Variants in TOR2A observed in about 807,000 individuals in gnomAD.
The protein encoded by TOR2A is prosalusin.
In TOR2A, 24 loss-of-function variants were observed where a neutral mutation model predicts 28.6. That is an observed-to-expected ratio of 0.84 (90% confidence interval 0.61 to 1.18). TOR2A has a LOEUF of 1.18. TOR2A is among the 50% of genes most tolerant of loss of function. TOR2A has a pLI of 0.00. For missense variants in TOR2A, 426 were observed against 448.1 expected, an observed-to-expected ratio of 0.95 and a Z score of 0.45; for synonymous variants, 203 against 203.1, an observed-to-expected ratio of 1.00 and a Z score of 0.00.
chr9:127,734,143 G>T, intron 2 of TOR2A, 156 bp downstream of exon 2: 1 of 991,980 alleles, frequency 1.0e-6, no homozygotes, highest in South Asian at 2.1e-5. Context: ...CAGGTAGAAT[G>T]ACACCTTCCC....
chr9:127,734,639 T>A, intron 1 of TOR2A, 75 bp from the exon 2 acceptor site: 2 of 1,397,370 alleles, frequency 1.4e-6, no homozygotes, highest in Non-Finnish European at 1.9e-6. Flanking sequence ...GTCTGGAACC[T>A]GGTCTGGGAC....
chr9:127,732,960 CG>C, intron 3 of TOR2A: 1 of 1,391,444 alleles, frequency 7.2e-7, no homozygotes. Flanking sequence ...AGGAAGGCAT[CG>C]GGGCATCATT....
chr9:127,733,611 A>C (rs3739812), intron 2 of TOR2A, 51 bp from the exon 3 acceptor site: 899,519 of 1,512,686 alleles, frequency 0.59, 271,155 homozygotes, highest in African/African-American at 0.78. Context: ...CTCCCCCAAC[A>C]CCAGACCTCT....
At position 127,733,911 on chromosome 9, in the gene TOR2A, A is replaced by T. The variant is rs192236529; in HGVS notation, c.418-351T>A. 1.7e-4 allele frequency: 71 copies of T among 407,486 alleles called. No individual in the cohort carries two copies. The Admixed American group carries it at 2.8e-3, about 16-fold the overall frequency. 25.2% of individuals were successfully genotyped at this position (407,486 alleles called of 1,614,324 possible). On this transcript the variant is annotated intron_variant, in intron 2 of 4. Coordinates refer to ENST00000373284, the MANE Select transcript of TOR2A (RefSeq NM_001085347.3). Reference sequence around the variant, plus strand: ...CTGATCAGCCTGGTGGGTACCCTGCAATCAACAACAGTAGTAGTAAGAGCC... The same window carrying T: ...CTGATCAGCCTGGTGGGTACCCTGCTATCAACAACAGTAGTAGTAAGAGCC...
rs949887183 is a variant in TOR2A at position 127,731,759 on chromosome 9, C to G, written c.*275G>C. 2 of 700,578 alleles carry G rather than the reference C, an allele frequency of 2.9e-6. No homozygotes were observed. The highest frequency in any genetic ancestry group is 4.4e-6 in the Non-Finnish European group (2 of 452,750). 43.4% of individuals were successfully genotyped at this position (700,578 alleles called of 1,614,324 possible). On this transcript the variant is annotated 3_prime_UTR_variant, in exon 5 of 5. Transcript: ENST00000373284. ...GGAGCACCGCCACGAGCCACAGTCC[C>G]TGAGTTATAATTCACAGTAAGAAGG...
rs1844440944 is a variant in TOR2A at position 127,731,874 on chromosome 9, C to T, written c.*160G>A. On this transcript the variant is annotated 3_prime_UTR_variant, in exon 5 of 5. Transcript: ENST00000373284. ...AAGGTGGCCGGGGCCAAGATGCTCTCGAGCCAGTTTAGAGGCCAGGGCCCT... is the reference window on the plus strand; with the variant it reads ...AAGGTGGCCGGGGCCAAGATGCTCTTGAGCCAGTTTAGAGGCCAGGGCCCT... 10 of 1,423,170 alleles carry T rather than the reference C, an allele frequency of 7.0e-6. No individual in the cohort carries two copies. Among genetic ancestry groups the T allele is most frequent in the South Asian group, 1.5e-5 (1 of 67,084 alleles). The allele number at this position is 1,423,170 out of a possible 1,614,324, so 88.2% of individuals were successfully genotyped here.
Position 127,732,616 on chromosome 9 carries a change from G to A in TOR2A, c.669C>T (p.Leu223=). 6.3e-7 allele frequency: 1 copy of A among 1,584,330 alleles called. No homozygotes were observed. The highest frequency in any genetic ancestry group is 1.8e-5 in the Admixed American group (1 of 55,236). ...WRSRRDREEI[L]LQELEPVISR... ...AGATGACCGGCTCCAGCTCCTGCAG[G>A]AGGATCTCCTCGCGGTCCCGCCGGC... The change falls in exon 4 of 5, where the codon CTC becomes CTT. Residue 223 remains leucine, a synonymous_variant. Transcript: ENST00000373284.
chr9:127,735,232 C>G lies in TOR2A; in HGVS notation c.39G>C (p.Ser13=). ...AATRGCRPWG[S]LLGLLGLVSA... ...AGACCAGCCCGAGCAGCCCGAGGAG[C>G]GAGCCCCAGGGCCGGCAGCCGCGCG... is the stretch of plus-strand genomic sequence containing the variant. The change falls in exon 1 of 5, where the codon TCG becomes TCC. Residue 13 remains serine, a synonymous_variant. Transcript: ENST00000373284. 1 of 1,455,972 alleles carries G rather than the reference C, an allele frequency of 6.9e-7. No homozygotes were observed. Among genetic ancestry groups the G allele is most frequent in the Non-Finnish European group, 9.0e-7 (1 of 1,112,222 alleles). The allele number at this position is 1,455,972 out of a possible 1,614,324, so 90.2% of individuals were successfully genotyped here.
chr9:127,734,739 ATT>A, intron 1 of TOR2A, 175 bp from the exon 2 acceptor site: 1 of 761,404 alleles, frequency 1.3e-6, no homozygotes, highest in South Asian at 3.3e-5. Context: ...TTCGGGCCTG[ATT>A]CAGCTCGGCA....
At chr9:127,732,753 CCCTCGCTT>C in intron 3 of TOR2A, 62 bp from the exon 4 acceptor site, 1 of 1,522,214 alleles carries the variant, frequency 6.6e-7, no homozygotes, top group Admixed American at 2.0e-5. Context: ...CAGGATTGGA[CCCTCGCTT>C]CCCCGCTGCC....
Position 127,732,551 on chromosome 9 carries a change from G to T in TOR2A, c.721+13C>A. 1 of 1,576,236 alleles carries T rather than the reference G, an allele frequency of 6.3e-7. No homozygotes were observed. On this transcript the variant is annotated intron_variant, in intron 4 of 4. Transcript: ENST00000373284. ...TGAAGCTGCCCGGGAGGGGGCTGCT[G>T]AGCCAGACTCACGGTGCGGGTTGTC... is the stretch of plus-strand genomic sequence containing the variant.
Position 127,732,677 on chromosome 9 carries a change from T to G in TOR2A, c.608A>C (p.Lys203Thr), listed in dbSNP as rs1290171571. The change falls in exon 4 of 5, where the codon AAG (lysine) becomes ACG (threonine). Residue 203 changes from lysine to threonine, a missense_variant. Coordinates refer to ENST00000373284, the MANE Select transcript of TOR2A (RefSeq NM_001085347.3). ...IFIFISNTGG[K>T]QINQVALEAW... ...CTCCAATGCCACCTGGTTGATCTGCTTGCCACCCGTGTTGCTAAAACCATG... is the reference window on the plus strand; with the variant it reads ...CTCCAATGCCACCTGGTTGATCTGCGTGCCACCCGTGTTGCTAAAACCATG... 1.3e-6 allele frequency: 2 copies of G among 1,567,012 alleles called. No homozygotes were observed. The highest frequency in any genetic ancestry group is 1.7e-6 in the Non-Finnish European group (2 of 1,156,394).
At position 127,735,181 on chromosome 9, in the gene TOR2A, C is replaced by G; in HGVS notation, c.90G>C (p.Leu30=). 6.7e-7 allele frequency: 1 copy of G among 1,483,860 alleles called. No individual in the cohort carries two copies. Among genetic ancestry groups the G allele is most frequent in the Non-Finnish European group, 8.9e-7 (1 of 1,125,416 alleles). The allele number at this position is 1,483,860 out of a possible 1,614,324, so 91.9% of individuals were successfully genotyped here. The stretch of plus-strand genomic sequence containing the variant: ...CGCCCAAGGTGCAGCGCAGGGAAGC[C>G]AGGTCCCAGGCGGCGGCCGCGGCCG... ...LVSAAAAAWD[L]ASLRCTLGAF... The change falls in exon 1 of 5, where the codon CTG becomes CTC. Residue 30 remains leucine (L), a synonymous_variant. Transcript: ENST00000373284.
At position 127,733,505 on chromosome 9, in the gene TOR2A, A is replaced by G. The variant is rs778076780; in HGVS notation, c.473T>C (p.Phe158Ser). The change falls in exon 3 of 5, where the codon TTC (phenylalanine) becomes TCC (serine). Residue 158 changes from phenylalanine (F) to serine (S), a missense_variant. Transcript: ENST00000373284. ...CATCTTGTCCATCTCATCGAAGAGG[A>G]AGAGGGAGCGGCCACAGGCAGTGAG... ...GNLTACGRSL[F>S]LFDEMDKMPP... is the part of the protein sequence containing the mutation. 1 of 1,613,808 alleles carries G rather than the reference A, an allele frequency of 6.2e-7. No individual in the cohort carries two copies. Among genetic ancestry groups the G allele is most frequent in the African/African-American group, 1.3e-5 (1 of 74,940 alleles).
chr9:127,734,508 C>T lies in TOR2A; in HGVS notation c.208G>A (p.Val70Met), dbSNP rs763535728. 9 of 1,563,432 alleles carry T rather than the reference C, an allele frequency of 5.8e-6. No homozygotes were observed. Among genetic ancestry groups the T allele is most frequent in the Non-Finnish European group, 6.1e-6 (7 of 1,154,002 alleles). The change falls in exon 2 of 5, where the codon GTG becomes ATG. Residue 70 changes from valine (V) to methionine (M), a missense_variant. Val to Met is a conservative substitution (Grantham distance 21, BLOSUM62 1). Coordinates refer to ENST00000373284, the MANE Select transcript of TOR2A (RefSeq NM_001085347.3). Reference sequence around the variant, plus strand: ...ACAAAGGCCTTCAGCGCCTTCACCACCAGCGCCTTGGCCAGATGCTGGCCG... The same window carrying T: ...ACAAAGGCCTTCAGCGCCTTCACCATCAGCGCCTTGGCCAGATGCTGGCCG... ...LAGQHLAKALVVKALKAFVRD... is the reference protein window; with the variant it reads ...LAGQHLAKALMVKALKAFVRD...
In TOR2A at chr9:127,732,214, CGGGA is replaced by C. The variant is rs1564400409; in HGVS notation, c.782_785del (p.Leu261ArgfsTer91). ...AGTGCCGGACGTGGTGCCGCTGGAG[CGGGA>C]GGAAGGGCACCACTGCGTCTAGGAG... On this transcript the variant is annotated frameshift_variant, in exon 5 of 5. Coordinates refer to ENST00000373284, the MANE Select transcript of TOR2A (RefSeq NM_001085347.3). LOFTEE classifies it high-confidence loss of function. 3.7e-6 allele frequency: 6 copies of C among 1,611,106 alleles called. No individual in the cohort carries two copies. The highest frequency in any genetic ancestry group is 2.7e-5 in the African/African-American group (2 of 74,956).
intron 2 of TOR2A, 92 bp from the exon 3 acceptor site, chr9:127,733,652 G>A: frequency 8.5e-7 from 1 of 1,176,350 alleles, no homozygotes; most frequent in Non-Finnish European, 1.2e-6. Context: ...CCTTTCTAGG[G>A]AAGGATGTGG....
Position 127,734,499 on chromosome 9 carries a change from C to G in TOR2A, c.217G>C (p.Ala73Pro), listed in dbSNP as rs566874464. 6.4e-7 allele frequency: 1 copy of G among 1,573,850 alleles called. No homozygotes were observed. Among genetic ancestry groups the G allele is most frequent in the East Asian group, 2.3e-5 (1 of 43,626 alleles). Residue 73 changes from alanine (A) to proline (P), a missense_variant, in exon 2 of 5, where the codon GCG (alanine) becomes CCG (proline). Physicochemically the swap from Ala to Pro is conservative, Grantham distance 27 (BLOSUM62 -1). Coordinates refer to ENST00000373284, the MANE Select transcript of TOR2A (RefSeq NM_001085347.3). ...QHLAKALVVK[A>P]LKAFVRDPAP... is the part of the protein sequence containing the mutation. ...GGGTCCCGCACAAAGGCCTTCAGCG[C>G]CTTCACCACCAGCGCCTTGGCCAGA...
In TOR2A at chr9:127,732,611, T is replaced by C; in HGVS notation, c.674A>G (p.Gln225Arg). 1.3e-6 allele frequency: 2 copies of C among 1,585,668 alleles called. No homozygotes were observed. Among genetic ancestry groups the C allele is most frequent in the South Asian group, 1.2e-5 (1 of 86,942 alleles). ...GCGGGAGATGACCGGCTCCAGCTCC[T>C]GCAGGAGGATCTCCTCGCGGTCCCG... ...SRRDREEILL[Q>R]ELEPVISRAV... The change falls in exon 4 of 5, where the codon CAG becomes CGG. Residue 225 changes from glutamine (Q) to arginine (R), a missense_variant. Transcript: ENST00000373284.
Sources: gnomAD v4.1 joint callset for allele counts on GRCh38, gnomAD v4.1.1 for gene constraint, MANE v1.5 for transcripts, NCBI Gene and HGNC (gene_info 2026-07-23, HGNC 2026-07-21) for gene names.